The following NALCN variants were observed in gnomAD, a reference collection of about 807,000 sequenced individuals.
The protein encoded by NALCN is sodium leak channel, non-selective.
A neutral mutation model predicts 225.3 loss-of-function variants in NALCN; 111 were observed. That is an observed-to-expected ratio of 0.49 (90% CI 0.42 to 0.58). The LOEUF (loss-of-function observed/expected upper bound fraction) is 0.58, where lower values mean the gene tolerates loss of function less well. Among genes scored for constraint, NALCN ranks in the 20% least tolerant of loss-of-function variants. The pLI, the probability that NALCN is intolerant of heterozygous loss-of-function variation, is 0.00. For synonymous variants in NALCN, 764 were observed against 769.0 expected, an observed-to-expected ratio of 0.99 and a Z score of 0.11; for missense variants, 1,378 against 2,202.4, an observed-to-expected ratio of 0.63 and a Z score of 7.49.
chr13:101,196,529 G>C (rs1328897599), intron 13 of NALCN, among the ~76,000 whole-genome samples: 1 of 152,096 alleles, frequency 6.6e-6, no homozygotes, highest in East Asian at 1.9e-4. Context: ...CAGGGGCAGA[G>C]AATTATTCCA....
chr13:101,212,651 T>C (rs1410528132), intron 13 of NALCN, among the ~76,000 whole-genome samples: 1 of 152,148 alleles, frequency 6.6e-6, no homozygotes, highest in Non-Finnish European at 1.5e-5. Context: ...TGATTTTCAG[T>C]GGTGTGGCAG....
At chr13:101,273,340 A>C (rs1004052157) in intron 10 of NALCN, among the ~76,000 whole-genome samples, 1 of 152,176 alleles carries the variant, frequency 6.6e-6, no homozygotes, top group Non-Finnish European at 1.5e-5. Context: ...AATAGTATTT[A>C]AACAGCTATA....
chr13:101,208,161 A>G (rs1014256997), intron 13 of NALCN, among the ~76,000 whole-genome samples: 11 of 152,156 alleles, frequency 7.2e-5, no homozygotes, highest in African/African-American at 2.7e-4. Flanking sequence ...CTGCAGCTTC[A>G]CTCCTGAAGC....
intron 6 of NALCN, among the ~76,000 whole-genome samples, chr13:101,353,577 T>C (rs1393725649): frequency 6.6e-6 from 1 of 152,214 alleles, no homozygotes; most frequent in Non-Finnish European, 1.5e-5. Context: ...GCCTGGACTT[T>C]TAGTGGAACT....
intron 6 of NALCN, among the ~76,000 whole-genome samples, chr13:101,362,284 A>G (rs1159089947): frequency 6.6e-6 from 1 of 152,036 alleles, no homozygotes; most frequent in Non-Finnish European, 1.5e-5. Flanking sequence ...CTATATGTCT[A>G]TAGGTTTATG....
At chr13:101,380,859 C>CACACAT (rs1016385634) in intron 3 of NALCN, among the ~76,000 whole-genome samples, 19 of 82,774 alleles carry the variant, frequency 2.3e-4, no homozygotes, top group African/African-American at 9.0e-4. Context: ...GCCTAGCTAA[C>CACACAT]ACACACACAC....
At chr13:101,414,496 A>G (rs985012438) in intron 1 of NALCN, among the ~76,000 whole-genome samples, 3 of 152,116 alleles carry the variant, frequency 2.0e-5, no homozygotes, top group Admixed American at 6.5e-5. Flanking sequence ...GATAAATGAT[A>G]AAACAAATGT....
chr13:101,207,698 A>G (rs2040365275), intron 13 of NALCN, among the ~76,000 whole-genome samples: 1 of 149,954 alleles, frequency 6.7e-6, no homozygotes, highest in Non-Finnish European at 1.5e-5. Context: ...AGCACTCTGT[A>G]AAATGGACCA....
At chr13:101,354,966 C>A (rs2787119) in intron 6 of NALCN, among the ~76,000 whole-genome samples, 15,969 of 152,214 alleles carry the variant, frequency 0.1, 1,265 homozygotes, top group East Asian at 0.34. Context: ...GGGGCAGAAC[C>A]CTCATGAATG....
At position 101,399,158 on chromosome 13, in the gene NALCN, A is replaced by C. The variant is rs535762877; in HGVS notation, c.-32T>G. The C allele has an allele frequency of 6.2e-7, 1 of 1,610,946 alleles. No individual in the cohort carries two copies. The highest frequency in any genetic ancestry group is 1.3e-5 in the African/African-American group (1 of 74,896). On this transcript the variant is annotated 5_prime_UTR_variant, in exon 2 of 44. Transcript: ENST00000251127. ...GTTAGCTTTGGTGAGCAAGCACAAA[A>C]CCACAGTCTGGGAAAAGGAAAAGTT... is the stretch of plus-strand genomic sequence containing the variant.
intron 18 of NALCN, among the ~76,000 whole-genome samples, chr13:101,115,874 A>C (rs1448988929): frequency 6.6e-6 from 1 of 151,916 alleles, no homozygotes; most frequent in East Asian, 1.9e-4. Flanking sequence ...TTTCTTAGGA[A>C]CTCCATCTAG....
intron 15 of NALCN, among the ~76,000 whole-genome samples, chr13:101,174,023 T>G (rs922405720): frequency 6.6e-6 from 1 of 152,074 alleles, no homozygotes; most frequent in African/African-American, 2.4e-5. Flanking sequence ...GCATAAAAAA[T>G]GACACCGTTG....
intron 30 of NALCN, among the ~76,000 whole-genome samples, chr13:101,085,490 T>G (rs987676767): frequency 3.9e-5 from 6 of 152,100 alleles, no homozygotes; most frequent in Non-Finnish European, 7.4e-5. Context: ...TGGTAATATA[T>G]GGTGAATCTA....
At chr13:101,255,756 T>G (rs2140207561) in intron 11 of NALCN, among the ~76,000 whole-genome samples, 1 of 152,310 alleles carries the variant, frequency 6.6e-6, no homozygotes, top group South Asian at 2.1e-4. Context: ...AGAATCTACT[T>G]TCTGTCTGTG....
chr13:101,208,184 G>A (rs2040392601), intron 13 of NALCN, among the ~76,000 whole-genome samples: 2 of 152,238 alleles, frequency 1.3e-5, no homozygotes, highest in East Asian at 1.9e-4. Flanking sequence ...GCAAGACCAC[G>A]AACCCACCAG....
chr13:101,197,297 C>G (rs1006127017), intron 13 of NALCN, among the ~76,000 whole-genome samples: 2 of 152,206 alleles, frequency 1.3e-5, no homozygotes, highest in East Asian at 1.9e-4. Context: ...TCTTCTCCTC[C>G]TCCGCGACCC....
intron 15 of NALCN, among the ~76,000 whole-genome samples, chr13:101,156,646 G>A (rs183916122): frequency 6.6e-6 from 1 of 152,004 alleles, no homozygotes; most frequent in East Asian, 1.9e-4. Flanking sequence ...TCTCCCCTCT[G>A]CTCATTTATA....
chr13:101,214,586 G>A (rs1173608823), intron 13 of NALCN, among the ~76,000 whole-genome samples: 1 of 151,958 alleles, frequency 6.6e-6, no homozygotes, highest in Non-Finnish European at 1.5e-5. Context: ...AATGCAAAAA[G>A]CATCCTTTTA....
intron 7 of NALCN, among the ~76,000 whole-genome samples, chr13:101,331,699 C>T (rs2045179309): frequency 6.6e-6 from 1 of 152,084 alleles, no homozygotes; most frequent in South Asian, 2.1e-4. Context: ...AAAACTGGTC[C>T]CAGGCATCCG....
Sources: allele counts gnomAD v4.1 joint callset (sites outside exome capture counted in the v4.1 genomes callset), GRCh38; gene constraint gnomAD v4.1.1; transcripts MANE v1.5; gene names NCBI Gene and HGNC (gene_info 2026-07-23, HGNC 2026-07-21).